Variants in VIL1 observed in about 807,000 individuals in gnomAD.
VIL1 encodes villin 1.
In VIL1, 86 loss-of-function variants were observed where a neutral mutation model predicts 104.0. That is an observed-to-expected ratio of 0.83 (90% CI 0.69 to 0.99). VIL1 has a LOEUF of 0.99. Among genes scored for constraint, VIL1 ranks in the 50% least tolerant of loss-of-function variants. The pLI is 0.00. For synonymous variants in VIL1, 394 were observed against 412.6 expected (o/e 0.95, Z 0.55); for missense variants, 944 against 1,054.1 (o/e 0.90, Z 1.45).
Position 218,440,839 on chromosome 2 carries a change from G to A in VIL1, c.2347G>A (p.Gly783Ser). The change falls in exon 19 of 20, where the codon GGT becomes AGT. Residue 783 changes from glycine to serine, a missense_variant. Coordinates refer to ENST00000248444, the MANE Select transcript of VIL1 (RefSeq NM_007127.3). ...VNKPVEELPE[G>S]VDPSRKEEHL... ...CAAGCCTGTAGAGGAGCTCCCCGAG[G>A]GTGTGGACCCCAGCAGGAAGGAGGT... 1 of 1,614,086 alleles carries A rather than the reference G, an allele frequency of 6.2e-7. No homozygotes were observed. Among genetic ancestry groups the A allele is most frequent in the South Asian group, 1.1e-5 (1 of 91,078 alleles).
chr2:218,442,025 G>A (rs537146983), intron 19 of VIL1, among the ~76,000 whole-genome samples: 5 of 151,954 alleles, frequency 3.3e-5, no homozygotes, highest in African/African-American at 7.3e-5. Flanking sequence ...GCTTCTCATC[G>A]AACAATAGCC....
chr2:218,432,023 C>A (rs776894491), intron 11 of VIL1, 23 bp from the exon 12 acceptor site: 2 of 1,613,890 alleles, frequency 1.2e-6, no homozygotes, highest in African/African-American at 1.3e-5. Flanking sequence ...CTGGACCTCA[C>A]CCTGGCCTGA....
At chr2:218,430,662 G>A in intron 9 of VIL1, 63 bp from the exon 10 acceptor site, 1 of 1,519,782 alleles carries the variant, frequency 6.6e-7, no homozygotes, top group East Asian at 2.3e-5. Context: ...CTAGGTTTTG[G>A]CTTGCATTGG....
chr2:218,428,606 G>A (rs1407631411), intron 6 of VIL1, among the ~76,000 whole-genome samples: 1 of 152,208 alleles, frequency 6.6e-6, no homozygotes, highest in Non-Finnish European at 1.5e-5. Context: ...GGACATACGT[G>A]TGTTTATACT....
rs1386980981 is a variant in VIL1 at position 218,434,550 on chromosome 2, T to C, written c.1525T>C (p.Leu509=). 1 of 1,613,026 alleles carries C rather than the reference T, an allele frequency of 6.2e-7. No individual in the cohort carries two copies. Among genetic ancestry groups the C allele is most frequent in the African/African-American group, 1.3e-5 (1 of 74,832 alleles). ...GGGAGGCACCTCCCGAACTAACAAC[T>C]TGGAGACCGGGCCCTCCACACGGCT... ...YQGGTSRTNN[L]ETGPSTRLFQ... is the part of the protein sequence containing the mutation. Residue 509 remains leucine (L), a synonymous_variant, in exon 14 of 20, where the codon TTG becomes CTG. Transcript: ENST00000248444.
At chr2:218,431,098 C>T (rs572679057) in intron 10 of VIL1, 1 of 648,268 alleles carries the variant, frequency 1.5e-6, no homozygotes, top group South Asian at 2.0e-5. Context: ...CCTGTAATCC[C>T]AGCACTTTGG....
At position 218,435,396 on chromosome 2, in the gene VIL1, G is replaced by A; in HGVS notation, c.1788G>A (p.Met596Ile). The part of the protein sequence containing the change: ...VEGQEPANFW[M>I]ALGGKAPYAN... Reference sequence around the variant, plus strand: ...GGCAGGAGCCAGCCAACTTCTGGATGGCCCTGGGTGGGAAGGCCCCCTATG... The same window carrying A: ...GGCAGGAGCCAGCCAACTTCTGGATAGCCCTGGGTGGGAAGGCCCCCTATG... The change falls in exon 15 of 20, where the codon ATG becomes ATA. Residue 596 changes from methionine (M) to isoleucine (I), a missense_variant. Physicochemically the swap from Met to Ile is conservative, Grantham distance 10 (BLOSUM62 1). Coordinates refer to ENST00000248444, the MANE Select transcript of VIL1 (RefSeq NM_007127.3). 6.2e-7 allele frequency: 1 copy of A among 1,614,122 alleles called. No homozygotes were observed.
chr2:218,428,098 G>A (rs767130106), intron 5 of VIL1, 25 bp downstream of exon 5: 13 of 1,612,102 alleles, frequency 8.1e-6, no homozygotes, highest in Middle Eastern at 1.6e-4. Context: ...CTGGAGCATC[G>A]GCCAGGGCTG....
At chr2:218,431,351 CAAAAAAA>C (rs10527756) in intron 10 of VIL1, 15 of 90,686 alleles carry the variant, frequency 1.7e-4, no homozygotes, top group East Asian at 1.1e-3. Context: ...AACTCCATCT[CAAAAAAA>C]AAAAAAAAAA....
At position 218,434,603 on chromosome 2, in the gene VIL1, C is replaced by T; in HGVS notation, c.1578C>T (p.Asn526=). 2 of 1,614,182 alleles carry T rather than the reference C, an allele frequency of 1.2e-6. No individual in the cohort carries two copies. Among genetic ancestry groups the T allele is most frequent in the South Asian group, 1.1e-5 (1 of 91,078 alleles). ...RLFQVQGTGA[N]NTKAFEVPAR... The stretch of plus-strand genomic sequence containing the variant: ...TCCAGGTCCAGGGAACTGGCGCCAA[C>T]AACACCAAGGCCTTTGAGGTCCCAG... Residue 526 remains asparagine, a synonymous_variant, in exon 14 of 20, where the codon AAC becomes AAT. Transcript: ENST00000248444.
At position 218,434,543 on chromosome 2, in the gene VIL1, T is replaced by G. The variant is rs759787956; in HGVS notation, c.1518T>G (p.Thr506=). ...ACCTGCAGGGAGGCACCTCCCGAAC[T>G]AACAACTTGGAGACCGGGCCCTCCA... ...MVVYQGGTSR[T]NNLETGPSTR... The change falls in exon 14 of 20, where the codon ACT becomes ACG. Residue 506 remains threonine, a synonymous_variant. Coordinates refer to ENST00000248444, the MANE Select transcript of VIL1 (RefSeq NM_007127.3). The G allele has an allele frequency of 2.5e-6, 4 of 1,612,590 alleles. No individual in the cohort carries two copies. Among genetic ancestry groups the G allele is most frequent in the Non-Finnish European group, 3.4e-6 (4 of 1,179,444 alleles).
At chr2:218,434,802 A>G (rs1689160178) in intron 14 of VIL1, 97 bp downstream of exon 14, 1 of 1,347,566 alleles carries the variant, frequency 7.4e-7, no homozygotes, top group South Asian at 1.4e-5. Context: ...ACCCCTGGCC[A>G]ACTAAGTTGT....
chr2:218,435,063 C>A (rs970661406), intron 14 of VIL1, among the ~76,000 whole-genome samples: 44 of 151,524 alleles, frequency 2.9e-4, no homozygotes, highest in Non-Finnish European at 2.9e-5. Context: ...GAATGCATAG[C>A]CTCTTGGAGT....
intron 1 of VIL1, among the ~76,000 whole-genome samples, chr2:218,421,799 TC>T (rs1161628779): frequency 1.3e-5 from 2 of 152,158 alleles, no homozygotes; most frequent in Admixed American, 6.5e-5. Flanking sequence ...CCTGCTCATG[TC>T]CACCCTCTAT....
intron 3 of VIL1, 56 bp from the exon 4 acceptor site, chr2:218,425,559 G>C: frequency 6.3e-7 from 1 of 1,583,708 alleles, no homozygotes. Context: ...GTCACACAGA[G>C]CTGGAGGGGC....
At chr2:218,423,382 G>A (rs1332751158) in intron 1 of VIL1, among the ~76,000 whole-genome samples, 4 of 152,128 alleles carry the variant, frequency 2.6e-5, no homozygotes, top group East Asian at 1.9e-4. Context: ...GCGACAGAGC[G>A]GGACTCCATC....
Position 218,436,564 on chromosome 2 carries a change from C to A in VIL1, c.1909C>A (p.Pro637Thr). The A allele has an allele frequency of 1.9e-6, 3 of 1,614,054 alleles. No homozygotes were observed. The highest frequency in any genetic ancestry group is 2.5e-6 in the Non-Finnish European group (3 of 1,180,004). ...KTGRFLATEI[P>T]DFNQDDLEED... ...TGGGCGCTTCCTGGCCACAGAGATC[C>A]CTGACTTCAATCAGGATGACTTGGA... The change falls in exon 16 of 20, where the codon CCT becomes ACT. Residue 637 changes from proline to threonine, a missense_variant. Transcript: ENST00000248444.
chr2:218,427,258 ATTC>A (rs1689017831), intron 4 of VIL1, among the ~76,000 whole-genome samples: 1 of 151,300 alleles, frequency 6.6e-6, no homozygotes, highest in Non-Finnish European at 1.5e-5. Flanking sequence ...GCACCTCTCC[ATTC>A]TTTTCTTTTC....
intron 16 of VIL1, 31 bp from the exon 17 acceptor site, chr2:218,437,093 G>A: frequency 6.2e-7 from 1 of 1,605,676 alleles, no homozygotes; most frequent in Non-Finnish European, 8.5e-7. Flanking sequence ...AGGACAGGAA[G>A]GATGGACTGA....
Sources: gnomAD v4.1 joint callset for allele counts (sites outside exome capture counted in the v4.1 genomes callset) on GRCh38, gnomAD v4.1.1 for gene constraint, MANE v1.5 for transcripts, NCBI Gene and HGNC (gene_info 2026-07-23, HGNC 2026-07-21) for gene names.